Variants in ATP13A4 observed in about 807,000 individuals in gnomAD.
ATP13A4 encodes the protein ATPase 13A4, also known as probable cation-transporting ATPase 13A4.
Under a neutral mutation model 142.5 loss-of-function variants are expected in ATP13A4, and 114 were observed. The observed-to-expected ratio is 0.80, with a 90% CI of 0.69 to 0.93. The LOEUF (loss-of-function observed/expected upper bound fraction) is 0.93, where lower values mean the gene tolerates loss of function less well. Ranked by LOEUF, ATP13A4 falls within the 40% of genes least tolerant of loss-of-function variation. The probability of loss-of-function intolerance (pLI) is 0.00; values close to 1 mark genes in which losing one functional copy is unlikely to be tolerated. For missense variants in ATP13A4, 1,392 were observed against 1,454.0 expected, an observed-to-expected ratio of 0.96 and a Z score of 0.69; for synonymous variants, 488 against 514.8, an observed-to-expected ratio of 0.95 and a Z score of 0.70.
chr3:193,504,002 T>C (rs1401317914), intron 2 of ATP13A4, among the ~76,000 whole-genome samples: 3 of 133,588 alleles, frequency 2.2e-5, no homozygotes, highest in Non-Finnish European at 4.8e-5. Flanking sequence ...TGCATGTGTG[T>C]GTGTGTGTGT....
chr3:193,447,639 T>C (rs534298079), intron 18 of ATP13A4, among the ~76,000 whole-genome samples: 2 of 152,372 alleles, frequency 1.3e-5, no homozygotes, highest in East Asian at 3.9e-4. Context: ...AAAGTCACAC[T>C]TAATTTCATT....
At chr3:193,438,369 C>A (rs1057002997) in intron 23 of ATP13A4, 106 bp downstream of exon 23, 15 of 926,962 alleles carry the variant, frequency 1.6e-5, no homozygotes, top group Middle Eastern at 2.2e-4. Context: ...AAACACCCTC[C>A]GCACCCAGGG....
chr3:193,539,479 T>C (rs1219274617), intron 1 of ATP13A4, among the ~76,000 whole-genome samples: 1 of 152,256 alleles, frequency 6.6e-6, no homozygotes, highest in Non-Finnish European at 1.5e-5. Context: ...ACAGGATACA[T>C]GCTCTACCCT....
At position 193,407,342 on chromosome 3, in the gene ATP13A4, A is replaced by C. The variant is rs1486410959; in HGVS notation, c.3349T>G (p.Leu1117Val). 6.2e-7 allele frequency: 1 copy of C among 1,613,564 alleles called. No individual in the cohort carries two copies. The highest frequency in any genetic ancestry group is 1.7e-5 in the Admixed American group (1 of 60,006). ...WRASIVIMLS[L>V]NFIVSLVAEE... ...GCCACAAGGGACACAATGAAATTCA[A>C]GCTGAGCATGATGACAATGGAGGCC... Residue 1117 changes from leucine (L) to valine (V), a missense_variant, in exon 29 of 30, where the codon TTG becomes GTG. Leu to Val is a conservative substitution (Grantham distance 32). Transcript: ENST00000342695.
Position 193,592,869 on chromosome 3 carries a change from C to T in ATP13A4, n.91+152G>A, listed in dbSNP as rs1309280060. On this transcript the variant is annotated intron_variant and non_coding_transcript_variant, in intron 1 of 3. Coordinates refer to the ATP13A4 transcript ENST00000489140. ...GTAGTACGCTATTACTGTATTTCAC[C>T]TTGCACTCTCTAGTTTCCTTCGTGC... Among the ~76,000 whole-genome samples the T allele has an allele frequency of 2.6e-5, 4 of 152,234 alleles. No individual in the cohort carries two copies. The East Asian group carries it at 7.7e-4, about 29-fold the overall frequency.
At chr3:193,468,462 G>T (rs1259172755) in intron 9 of ATP13A4, among the ~76,000 whole-genome samples, 1 of 152,126 alleles carries the variant, frequency 6.6e-6, no homozygotes, top group Non-Finnish European at 1.5e-5. Context: ...AGGAAACAAG[G>T]AAGTGGCCGG....
At chr3:193,542,786 T>C (rs923413032) in intron 1 of ATP13A4, among the ~76,000 whole-genome samples, 4 of 152,072 alleles carry the variant, frequency 2.6e-5, no homozygotes, top group African/African-American at 9.7e-5. Context: ...ATGCAGAAAA[T>C]TGAAACTGGA....
At chr3:193,467,622 G>T in intron 9 of ATP13A4, 136 bp from the exon 10 acceptor site, 3 of 841,774 alleles carry the variant, frequency 3.6e-6, no homozygotes, top group South Asian at 2.7e-5. Context: ...AGGTATTGGG[G>T]ATACAAGCAT....
rs59910562 is a variant in ATP13A4, at chr3:193,576,249, C to CTTTTTTT, written n.291+5451_291+5457dup. On this transcript the variant is annotated intron_variant and non_coding_transcript_variant, in intron 2 of 3. Coordinates refer to the ATP13A4 transcript ENST00000489140. ...TCCATGGAATGTGGCTTGAATCAATCTTTTTTTTTTTTTTTTTTTTTTTTT... is the reference window on the plus strand; with the variant it reads ...TCCATGGAATGTGGCTTGAATCAATCTTTTTTTTTTTTTTTTTTTTTTTTTTTTTTTT... Among the ~76,000 whole-genome samples the CTTTTTTT allele has an allele frequency of 2.7e-3, 148 of 54,416 alleles. 12 individuals are homozygous for CTTTTTTT. The highest frequency in any genetic ancestry group is 3.8e-3 in the Non-Finnish European group (113 of 30,080). The allele number at this position is 54,416 out of a possible 152,430, so 35.7% of individuals were successfully genotyped here.
intron 25 of ATP13A4, among the ~76,000 whole-genome samples, chr3:193,423,940 C>T (rs1454191904): frequency 6.7e-6 from 1 of 149,350 alleles, no homozygotes; most frequent in Non-Finnish European, 1.5e-5. Flanking sequence ...AAAGACTCCA[C>T]CAGAAAACTA....
chr3:193,498,129 G>T (rs147921074), intron 3 of ATP13A4, among the ~76,000 whole-genome samples: 1 of 151,828 alleles, frequency 6.6e-6, no homozygotes, highest in Non-Finnish European at 1.5e-5. Flanking sequence ...GCAAATATAC[G>T]AATTTGATTT....
intron 1 of ATP13A4, among the ~76,000 whole-genome samples, chr3:193,544,550 A>AG (rs886684863): frequency 7.9e-5 from 12 of 152,200 alleles, no homozygotes; most frequent in Admixed American, 7.2e-4. Context: ...GGAGAGAAAC[A>AG]GGAGCACAAA....
rs570918933 is a variant in ATP13A4 at position 193,582,704 on chromosome 3, T to A, written n.92-798A>T. On this transcript the variant is annotated intron_variant and non_coding_transcript_variant, in intron 1 of 3. Coordinates refer to the ATP13A4 transcript ENST00000489140. ...ATATTATATATGTGTATAACATATA[T>A]AATATATATGTATATTACATATATA... Among the ~76,000 whole-genome samples, 20 of 57,686 alleles carry A rather than the reference T, an allele frequency of 3.5e-4. 6 individuals carry two copies. Among genetic ancestry groups the A allele is most frequent in the South Asian group, 9.5e-4 (2 of 2,108 alleles). 37.8% of individuals were successfully genotyped at this position (57,686 alleles called of 152,430 possible).
At chr3:193,476,207 G>A (rs1348307016) in intron 8 of ATP13A4, among the ~76,000 whole-genome samples, 2 of 152,036 alleles carry the variant, frequency 1.3e-5, no homozygotes, top group Admixed American at 1.3e-4. Flanking sequence ...ATTAAAATGA[G>A]TACTTGCAAC....
chr3:193,424,027 C>T (rs1249391251), intron 25 of ATP13A4, among the ~76,000 whole-genome samples: 1 of 149,146 alleles, frequency 6.7e-6, no homozygotes, highest in African/African-American at 2.5e-5. Context: ...TTTATATAGG[C>T]TAATGATGAA....
intron 21 of ATP13A4, chr3:193,440,184 G>A (rs191649176): frequency 5.9e-5 from 15 of 252,548 alleles, no homozygotes; most frequent in Admixed American, 3.5e-4. Flanking sequence ...TTGTGATGAC[G>A]GCATATACAA....
chr3:193,515,106 G>C (rs1049748530), intron 1 of ATP13A4, among the ~76,000 whole-genome samples: 2 of 152,112 alleles, frequency 1.3e-5, no homozygotes, highest in African/African-American at 4.8e-5. Context: ...TCTATCATTT[G>C]AGCACCTAGA....
intron 25 of ATP13A4, among the ~76,000 whole-genome samples, chr3:193,419,248 A>C (rs554331889): frequency 2.0e-5 from 3 of 149,736 alleles, no homozygotes; most frequent in Non-Finnish European, 4.4e-5. Context: ...AGTGGAAGAA[A>C]AAGAGTACTA....
chr3:193,581,534 T>C (rs1033520136), intron 2 of ATP13A4, among the ~76,000 whole-genome samples: 2 of 152,078 alleles, frequency 1.3e-5, no homozygotes, highest in Admixed American at 6.6e-5. Context: ...GCCTAGAAAA[T>C]AATTCCTTAT....
Sources: gnomAD v4.1 joint callset for allele counts (sites outside exome capture counted in the v4.1 genomes callset) on GRCh38, gnomAD v4.1.1 for gene constraint, MANE v1.5 for transcripts, NCBI Gene and HGNC (gene_info 2026-07-23, HGNC 2026-07-21) for gene names.